The following GPR146 variants were observed in gnomAD, a reference collection of about 807,000 sequenced individuals.
The protein encoded by GPR146 is G protein-coupled receptor 146.
For synonymous variants in GPR146, 203 were observed against 104.3 expected, an observed-to-expected ratio of 1.95 and a Z score of -5.77; for missense variants, 381 against 213.9, an observed-to-expected ratio of 1.78 and a Z score of -4.87.
At chr7:1,050,650 G>A (rs1783020219) in intron 1 of GPR146, among the ~76,000 whole-genome samples, 1 of 152,212 alleles carries the variant, frequency 6.6e-6, no homozygotes, top group Non-Finnish European at 1.5e-5. Context: ...TTGGAACGCC[G>A]CAGCCTAGGA....
chr7:1,053,462 C>T (rs1783362895), intron 1 of GPR146, among the ~76,000 whole-genome samples: 1 of 152,264 alleles, frequency 6.6e-6, no homozygotes, highest in Non-Finnish European at 1.5e-5. Flanking sequence ...GGTGGGAACA[C>T]TGGCTCACAT....
chr7:1,047,797 A>AT (rs1782719439), intron 1 of GPR146, among the ~76,000 whole-genome samples: 1 of 152,320 alleles, frequency 6.6e-6, no homozygotes, highest in African/African-American at 2.4e-5. Flanking sequence ...TCCGGGGACA[A>AT]TAAGAAGCGC....
rs753290820 is a variant in GPR146 at position 1,048,418 on chromosome 7, G to A, written c.-25+3760G>A. Among the ~76,000 whole-genome samples, 7 of 152,184 alleles carry A rather than the reference G, an allele frequency of 4.6e-5. No individual in the cohort carries two copies. In the East Asian group the frequency reaches 7.7e-4, roughly 17 times the overall value. ...TCTGCCAGCTCTGTGCAGTGCAGGC[G>A]CTATGATGCTCTCTCTCTCTCACAC... On this transcript the variant is annotated intron_variant, in intron 1 of 1. Transcript: ENST00000444847.
At chr7:1,044,713 C>T (rs1436698259) in intron 1 of GPR146, 55 bp downstream of exon 1, 1 of 152,218 alleles carries the variant, frequency 6.6e-6, no homozygotes, top group African/African-American at 2.4e-5. Flanking sequence ...CCAGTCTCCG[C>T]CTGGGGAGGG....
chr7:1,048,019 G>A (rs1782739609), intron 1 of GPR146, among the ~76,000 whole-genome samples: 1 of 130,554 alleles, frequency 7.7e-6, no homozygotes, highest in South Asian at 2.4e-4. Flanking sequence ...AGAGATGGAT[G>A]TGCGGACAGG....
chr7:1,055,820 G>A (rs898259000), intron 1 of GPR146, among the ~76,000 whole-genome samples: 15 of 152,128 alleles, frequency 9.9e-5, no homozygotes, highest in African/African-American at 3.6e-4. Flanking sequence ...CAGATCCGGG[G>A]GCCCTGGGCG....
In GPR146 at chr7:1,057,474, T is replaced by C; in HGVS notation, c.-24-18T>C. 1.4e-6 allele frequency: 1 copy of C among 722,620 alleles called. No homozygotes were observed. Among genetic ancestry groups the C allele is most frequent in the South Asian group, 1.5e-5 (1 of 65,656 alleles). 44.8% of individuals were successfully genotyped at this position (722,620 alleles called of 1,614,324 possible). A position where few individuals can be genotyped will look rare whatever the true frequency, so the allele number is the denominator to read the frequency against. ...TGGGACGGGACGCGAGCTGACCACC[T>C]GTTCCTTCTTTCCGCAGGGTCGCGG... On this transcript the variant is annotated intron_variant, in intron 1 of 1. Transcript: ENST00000444847.
At chr7:1,048,792 G>T (rs1782823826) in intron 1 of GPR146, among the ~76,000 whole-genome samples, 2 of 152,176 alleles carry the variant, frequency 1.3e-5, no homozygotes. Flanking sequence ...GCCGCACATG[G>T]GCTCCAGACA....
In GPR146 at chr7:1,057,787, G is replaced by A. The variant is rs147898754; in HGVS notation, c.272G>A (p.Arg91Gln). The change falls in exon 2 of 2, where the codon CGG (arginine) becomes CAG (glutamine). Residue 91 changes from arginine (R) to glutamine (Q), a missense_variant. Arg to Gln is a conservative substitution (Grantham distance 43, BLOSUM62 1). Coordinates refer to ENST00000444847, the MANE Select transcript of GPR146 (RefSeq NM_001303473.2). The stretch of plus-strand genomic sequence containing the variant: ...CACCTGCTCGGCCCCCCGAGCTCCC[G>A]GTGGGCGCTGTGGAGTGTGGGCGGC... Reference protein sequence around the residue: ...PVHLLGPPSSRWALWSVGGEV... With the variant: ...PVHLLGPPSSQWALWSVGGEV... 2.3e-5 allele frequency: 18 copies of A among 775,876 alleles called. 1 individual carries two copies. Among genetic ancestry groups the A allele is most frequent in the East Asian group, 9.7e-5 (4 of 41,258 alleles). The allele number at this position is 775,876 out of a possible 1,614,324, so 48.1% of individuals were successfully genotyped here.
In GPR146 at chr7:1,052,292, G is replaced by A. The variant is rs1027454636; in HGVS notation, c.-24-5200G>A. On this transcript the variant is annotated intron_variant, in intron 1 of 1. Transcript: ENST00000444847. The surrounding 1 kb of genome is among the most constrained non-coding windows in gnomAD (Gnocchi z 4.2). ...AAGGCTGACCTGCAGCGTCCAGCTC[G>A]GCTGGGGACACTCGCCTGAGAAGAG... 2.0e-5 allele frequency among the ~76,000 whole-genome samples: 3 copies of A among 152,250 alleles called. No individual in the cohort carries two copies. Among genetic ancestry groups the A allele is most frequent in the East Asian group, 1.9e-4 (1 of 5,190 alleles).
rs754913014 is a variant in GPR146, at chr7:1,057,949, G to A, written c.434G>A (p.Arg145Gln). 25 of 772,812 alleles carry A rather than the reference G, an allele frequency of 3.2e-5. No homozygotes were observed. Among genetic ancestry groups the A allele is most frequent in the African/African-American group, 1.4e-4 (8 of 59,160 alleles). The allele number at this position is 772,812 out of a possible 1,614,324, so 47.9% of individuals were successfully genotyped here. ...RTYMASVYNT[R>Q]HVCGFVWGGA... is the part of the protein sequence containing the mutation. ...TACATGGCCAGCGTGTACAACACGC[G>A]GCACGTGTGCGGCTTCGTGTGGGGT... Residue 145 changes from arginine (R) to glutamine (Q), a missense_variant, in exon 2 of 2, where the codon CGG (arginine) becomes CAG (glutamine). Arg to Gln is a conservative substitution (Grantham distance 43). Transcript: ENST00000444847.
intron 1 of GPR146, among the ~76,000 whole-genome samples, chr7:1,050,457 G>C (rs1325073884): frequency 6.6e-6 from 1 of 152,266 alleles, no homozygotes; most frequent in Non-Finnish European, 1.5e-5. Flanking sequence ...ATCGGTCCCT[G>C]TGGCTTGGGA....
rs1489441168 is a variant in GPR146, at chr7:1,052,291, C to T, written c.-24-5201C>T. 9.8e-5 allele frequency among the ~76,000 whole-genome samples: 15 copies of T among 152,358 alleles called. No homozygotes were observed. The South Asian group carries it at 2.1e-3, about 21-fold the overall frequency. On this transcript the variant is annotated intron_variant, in intron 1 of 1. Transcript: ENST00000444847. This position sits in a 1 kb window ranked among gnomAD's most constrained non-coding sequence, Gnocchi z 4.2. ...CAAGGCTGACCTGCAGCGTCCAGCT[C>T]GGCTGGGGACACTCGCCTGAGAAGA...
At chr7:1,054,685 G>A (rs986038105) in intron 1 of GPR146, among the ~76,000 whole-genome samples, 6 of 152,298 alleles carry the variant, frequency 3.9e-5, no homozygotes, top group African/African-American at 9.6e-5. Flanking sequence ...GGAGGGGTGC[G>A]GCGGGCAAGA....
At chr7:1,053,646 G>T (rs1160385978) in intron 1 of GPR146, among the ~76,000 whole-genome samples, 1 of 152,172 alleles carries the variant, frequency 6.6e-6, no homozygotes, top group African/African-American at 2.4e-5. Context: ...TGGCCAACAT[G>T]GAGAAACCTT....
At position 1,057,493 on chromosome 7, in the gene GPR146, G is replaced by A; in HGVS notation, c.-23G>A. 1.3e-6 allele frequency: 1 copy of A among 748,052 alleles called. No individual in the cohort carries two copies. The highest frequency in any genetic ancestry group is 2.5e-6 in the Non-Finnish European group (1 of 405,218). The allele number at this position is 748,052 out of a possible 1,614,324, so 46.3% of individuals were successfully genotyped here. A position where few individuals can be genotyped will look rare whatever the true frequency, so the allele number is the denominator to read the frequency against. On this transcript the variant is annotated splice_region_variant and 5_prime_UTR_variant, in exon 2 of 2. Coordinates refer to ENST00000444847, the MANE Select transcript of GPR146 (RefSeq NM_001303473.2). ...ACCACCTGTTCCTTCTTTCCGCAGG[G>A]TCGCGGAGCCTCGCCGGCCGCCATG...
chr7:1,058,369 C>T lies in GPR146; in HGVS notation c.854C>T (p.Ala285Val), dbSNP rs866274018. The T allele has an allele frequency of 7.7e-6, 6 of 780,140 alleles. No individual in the cohort carries two copies. In the African/African-American group the frequency reaches 8.5e-5, roughly 11 times the overall value. 48.3% of individuals were successfully genotyped at this position (780,140 alleles called of 1,614,324 possible). A position where few individuals can be genotyped will look rare whatever the true frequency, so the allele number is the denominator to read the frequency against. Residue 285 changes from alanine (A) to valine (V), a missense_variant, in exon 2 of 2, where the codon GCC becomes GTC. Coordinates refer to ENST00000444847, the MANE Select transcript of GPR146 (RefSeq NM_001303473.2). ...HFVKDFSKLL[A>V]FSSSFVTPLL... ...GTGAAGGATTTCTCCAAACTCCTGG[C>T]CTTCTCCAGCAGCTTTGTGACACCA...
chr7:1,048,983 T>C (rs1013007529), intron 1 of GPR146, among the ~76,000 whole-genome samples: 1 of 152,152 alleles, frequency 6.6e-6, no homozygotes, highest in Non-Finnish European at 1.5e-5. Flanking sequence ...ACTCAGAACA[T>C]AAAAACCATA....
chr7:1,053,615 G>A (rs1783388372), intron 1 of GPR146, among the ~76,000 whole-genome samples: 1 of 152,202 alleles, frequency 6.6e-6, no homozygotes, highest in South Asian at 2.1e-4. Context: ...ATCACCTGAG[G>A]TCGGGAGTTC....
Sources: allele counts gnomAD v4.1 joint callset (sites outside exome capture counted in the v4.1 genomes callset), GRCh38; gene constraint gnomAD v4.1.1; non-coding constraint Gnocchi (gnomAD v3.1); transcripts MANE v1.5; gene names NCBI Gene and HGNC (gene_info 2026-07-23, HGNC 2026-07-21).